PHACTR4: variants seen among roughly 807,000 people sequenced by gnomAD.
PHACTR4 encodes the protein protein phosphatase 1, regulatory subunit 124.
A neutral mutation model predicts 72.7 loss-of-function variants in PHACTR4; 51 were observed. The ratio of observed to expected loss-of-function variants is 0.70; its 90% CI spans 0.56 to 0.89. PHACTR4 has a LOEUF of 0.89. Ranked by LOEUF, PHACTR4 falls within the 40% of genes least tolerant of loss-of-function variation. The probability of loss-of-function intolerance (pLI) is 0.00; values close to 1 mark genes in which losing one functional copy is unlikely to be tolerated. For missense variants in PHACTR4, 731 were observed against 861.8 expected, an observed-to-expected ratio of 0.85 and a Z score of 1.90; for synonymous variants, 255 against 302.5, an observed-to-expected ratio of 0.84 and a Z score of 1.63.
rs142433804 is a variant in PHACTR4 at position 28,379,879 on chromosome 1, G to A, written c.-39+10054G>A. Among the ~76,000 whole-genome samples, 583 of 151,496 alleles carry A rather than the reference G, an allele frequency of 3.8e-3. 6 individuals are homozygous for A. The highest frequency in any genetic ancestry group is 0.014 in the African/African-American group (566 of 41,354). ...GCTGGGATTACAGGTGTGAGCCACC[G>A]CGCCCAGCCTATAATTTCTTATATT... On this transcript the variant is annotated intron_variant, in intron 1 of 13. Coordinates refer to ENST00000373839, the MANE Select transcript of PHACTR4 (RefSeq NM_001048183.3).
At chr1:28,487,469 G>A (rs866118867) in intron 9 of PHACTR4, among the ~76,000 whole-genome samples, 1 of 141,870 alleles carries the variant, frequency 7.0e-6, no homozygotes, top group South Asian at 2.2e-4. Flanking sequence ...AGCTGTGATC[G>A]CACCACTGCA....
At chr1:28,485,998 T>A (rs941993372) in intron 9 of PHACTR4, among the ~76,000 whole-genome samples, 4 of 151,874 alleles carry the variant, frequency 2.6e-5, no homozygotes, top group Admixed American at 1.3e-4. Context: ...GATTGAAATT[T>A]AAAAAAACAC....
intron 2 of PHACTR4, among the ~76,000 whole-genome samples, chr1:28,418,310 A>C (rs1655247650): frequency 7.2e-6 from 1 of 138,852 alleles, no homozygotes. Flanking sequence ...TAAAAATACA[A>C]AAAAAAAAAA....
intron 2 of PHACTR4, among the ~76,000 whole-genome samples, chr1:28,418,991 T>C (rs1406171458): frequency 8.8e-6 from 1 of 113,766 alleles, no homozygotes; most frequent in African/African-American, 4.1e-5. Flanking sequence ...CATTTGACCT[T>C]TCTATCCATT....
At chr1:28,431,733 A>AT (rs1055982490) in intron 2 of PHACTR4, among the ~76,000 whole-genome samples, 13 of 152,348 alleles carry the variant, frequency 8.5e-5, no homozygotes, top group Non-Finnish European at 1.5e-5. Context: ...CTTACTGCTT[A>AT]TAAACAATTT....
At chr1:28,378,446 T>C (rs1651870875) in intron 1 of PHACTR4, among the ~76,000 whole-genome samples, 1 of 151,240 alleles carries the variant, frequency 6.6e-6, no homozygotes, top group African/African-American at 2.4e-5. Context: ...GAGGTTGCAA[T>C]GAGCCAAGAT....
chr1:28,403,691 A>G (rs1038473901), intron 1 of PHACTR4, among the ~76,000 whole-genome samples: 2 of 152,142 alleles, frequency 1.3e-5, no homozygotes, highest in African/African-American at 4.8e-5. Flanking sequence ...AGAACATTTT[A>G]ATTACCCCCC....
chr1:28,449,850 T>TA (rs67892895), intron 2 of PHACTR4, among the ~76,000 whole-genome samples: 308 of 138,060 alleles, frequency 2.2e-3, no homozygotes, highest in South Asian at 3.5e-3. Context: ...ACACTCTGTA[T>TA]AAAAAAAAAA....
At chr1:28,419,372 G>A (rs563807167) in intron 2 of PHACTR4, among the ~76,000 whole-genome samples, 15 of 151,670 alleles carry the variant, frequency 9.9e-5, no homozygotes, top group Non-Finnish European at 1.8e-4. Context: ...TAAGGATTAT[G>A]TAGATATATT....
intron 2 of PHACTR4, among the ~76,000 whole-genome samples, chr1:28,425,229 C>T (rs1402641704): frequency 6.6e-6 from 1 of 152,214 alleles, no homozygotes; most frequent in African/African-American, 2.4e-5. Flanking sequence ...AGCAGTTCTC[C>T]TGCCTTAGCC....
intron 1 of PHACTR4, among the ~76,000 whole-genome samples, chr1:28,396,321 C>T (rs1653496544): frequency 6.6e-6 from 1 of 151,684 alleles, no homozygotes; most frequent in Non-Finnish European, 1.5e-5. Flanking sequence ...CATTTGAGGT[C>T]AGGAGTTCAA....
chr1:28,400,843 GT>G (rs1362003689), intron 1 of PHACTR4, among the ~76,000 whole-genome samples: 1 of 152,054 alleles, frequency 6.6e-6, no homozygotes, highest in Non-Finnish European at 1.5e-5. Flanking sequence ...GCCTCCCACA[GT>G]GCTGGGATTA....
intron 1 of PHACTR4, among the ~76,000 whole-genome samples, chr1:28,389,509 C>T (rs953052031): frequency 6.8e-6 from 1 of 146,428 alleles, no homozygotes; most frequent in Non-Finnish European, 1.5e-5. Context: ...GACACAGTCT[C>T]GCTCTGTTGC....
chr1:28,407,436 G>A lies in PHACTR4; in HGVS notation c.-12G>A. On this transcript the variant is annotated 5_prime_UTR_variant, in exon 2 of 14. Transcript: ENST00000373839. The stretch of plus-strand genomic sequence containing the variant: ...AACAGTATCTCACCTCCCTAAACTG[G>A]TTAATAGTGGCATGGAAGATCCATT... 1 of 1,605,318 alleles carries A rather than the reference G, an allele frequency of 6.2e-7. No homozygotes were observed. Among genetic ancestry groups the A allele is most frequent in the Non-Finnish European group, 8.5e-7 (1 of 1,173,200 alleles).
intron 2 of PHACTR4, chr1:28,457,922 T>G (rs1658507465): frequency 6.3e-6 from 6 of 952,266 alleles, no homozygotes; most frequent in Non-Finnish European, 7.5e-6. Flanking sequence ...CTGCTGGTTT[T>G]TTTTTTTTTC....
chr1:28,388,791 A>T (rs374129613), intron 1 of PHACTR4, among the ~76,000 whole-genome samples: 1 of 152,150 alleles, frequency 6.6e-6, no homozygotes, highest in Non-Finnish European at 1.5e-5. Context: ...CGGAGGTTGC[A>T]GTGAGCTGAG....
At chr1:28,479,847 C>T (rs933176514) in intron 8 of PHACTR4, among the ~76,000 whole-genome samples, 1 of 152,100 alleles carries the variant, frequency 6.6e-6, no homozygotes, top group Non-Finnish European at 1.5e-5. Context: ...GAGCTGAAAT[C>T]GTGACACTGC....
intron 1 of PHACTR4, among the ~76,000 whole-genome samples, chr1:28,377,674 C>A (rs1414397638): frequency 6.6e-6 from 1 of 151,948 alleles, no homozygotes; most frequent in Non-Finnish European, 1.5e-5. Flanking sequence ...ACAAAAACTA[C>A]AAAAAAGTTA....
rs564144166 is a variant in PHACTR4 at position 28,496,585 on chromosome 1, T to G, written c.*36T>G. On this transcript the variant is annotated 3_prime_UTR_variant, in exon 14 of 14. Transcript: ENST00000373839. ...TGAGAGAGGAATCAACATGGCTGCT[T>G]TGCTGCTTCCTTCTCCAAAGTGACA... is the stretch of plus-strand genomic sequence containing the variant. 6.2e-7 allele frequency: 1 copy of G among 1,612,240 alleles called. No individual in the cohort carries two copies. Among genetic ancestry groups the G allele is most frequent in the South Asian group, 1.1e-5 (1 of 91,062 alleles).
Sources: gnomAD v4.1 joint callset for allele counts (sites outside exome capture counted in the v4.1 genomes callset) on GRCh38, gnomAD v4.1.1 for gene constraint, MANE v1.5 for transcripts, NCBI Gene and HGNC (gene_info 2026-07-23, HGNC 2026-07-21) for gene names.